Variants in SIN3A observed in about 807,000 individuals in gnomAD.
The protein encoded by SIN3A is SIN3 transcription regulator family member A, also known as paired amphipathic helix protein Sin3a.
In SIN3A, 14 loss-of-function variants were observed where a neutral mutation model predicts 146.1. The ratio of observed to expected loss-of-function variants is 0.10; its 90% CI spans 0.06 to 0.15. SIN3A has a LOEUF of 0.15. Among genes scored for constraint, SIN3A ranks in the 10% least tolerant of loss-of-function variants. The pLI, the probability that SIN3A is intolerant of heterozygous loss-of-function variation, is 1.00. For synonymous variants in SIN3A, 572 were observed against 572.0 expected, an observed-to-expected ratio of 1.00 and a Z score of 0.00; for missense variants, 1,028 against 1,576.0, an observed-to-expected ratio of 0.65 and a Z score of 5.89.
upstream of SIN3A, among the ~76,000 whole-genome samples, chr15:75,452,555 A>C (rs1567444821): frequency 6.6e-6 from 1 of 152,252 alleles, no homozygotes; most frequent in African/African-American, 2.4e-5. Context: ...CCTTTCAGCC[A>C]AGTAGAGTAC....
chr15:75,440,512 G>T (rs2074188868), intron 1 of SIN3A, among the ~76,000 whole-genome samples: 5 of 152,096 alleles, frequency 3.3e-5, no homozygotes, highest in Non-Finnish European at 7.4e-5. Flanking sequence ...GATTACAGGT[G>T]TGAGCCACCA....
intron 8 of SIN3A, among the ~76,000 whole-genome samples, chr15:75,408,335 AAAG>A (rs553236369): frequency 3.9e-4 from 60 of 152,366 alleles, no homozygotes; most frequent in African/African-American, 1.1e-3. Flanking sequence ...AAAGATTTCA[AAAG>A]AAGAAACCAT....
At chr15:75,431,506 C>T (rs924154603) in intron 1 of SIN3A, among the ~76,000 whole-genome samples, 1 of 151,938 alleles carries the variant, frequency 6.6e-6, no homozygotes, top group African/African-American at 2.4e-5. Flanking sequence ...ATGAATCAGC[C>T]ATCCAAAGAA....
intron 1 of SIN3A, 77 bp downstream of exon 1, chr15:75,451,346 C>A (rs1233876096): frequency 1.5e-5 from 2 of 131,900 alleles, no homozygotes; most frequent in African/African-American, 2.7e-5. Flanking sequence ...GCCCCCCCCC[C>A]CCAAAATACA....
intron 19 of SIN3A, among the ~76,000 whole-genome samples, chr15:75,379,281 A>C (rs1241894485): frequency 1.3e-5 from 2 of 152,218 alleles, no homozygotes; most frequent in African/African-American, 4.8e-5. Context: ...TACTAGTATA[A>C]TCCATATAAA....
chr15:75,416,551 C>G (rs1277902374), intron 3 of SIN3A, among the ~76,000 whole-genome samples: 1 of 152,196 alleles, frequency 6.6e-6, no homozygotes, highest in Non-Finnish European at 1.5e-5. Context: ...GTCTCAAACT[C>G]CTGACCACAA....
intron 1 of SIN3A, among the ~76,000 whole-genome samples, chr15:75,450,660 C>T (rs1378722312): frequency 6.6e-6 from 1 of 152,214 alleles, no homozygotes; most frequent in Non-Finnish European, 1.5e-5. Context: ...AAAGCAGCTC[C>T]GGCACAGGGC....
chr15:75,419,156 A>G (rs1309960242), intron 3 of SIN3A: 2 of 152,202 alleles, frequency 1.3e-5, no homozygotes, highest in Non-Finnish European at 2.9e-5. Flanking sequence ...TAGTTGGTCA[A>G]TACCCACTTG....
Position 75,430,346 on chromosome 15 carries a change from T to G in SIN3A, c.30A>C (p.Ser10=). MKRRLDDQE[S]PVYAAQQRRI... ...GACGCTGCTGGGCTGCATACACCGG[T>G]GACTCCTGGTCATCCAAACGCCGCT... is the stretch of plus-strand genomic sequence containing the variant. The change falls in exon 2 of 21, where the codon TCA becomes TCC. Residue 10 remains serine, a synonymous_variant. Transcript: ENST00000394947. 1 of 1,613,588 alleles carries G rather than the reference T, an allele frequency of 6.2e-7. No homozygotes were observed. Among genetic ancestry groups the G allele is most frequent in the Non-Finnish European group, 8.5e-7 (1 of 1,179,792 alleles).
chr15:75,442,270 T>C (rs1370792038), intron 1 of SIN3A, among the ~76,000 whole-genome samples: 1 of 151,358 alleles, frequency 6.6e-6, no homozygotes, highest in Admixed American at 6.6e-5. Context: ...TGTACAAATA[T>C]CTTGAAAGAT....
chr15:75,449,328 G>A (rs2074360727), intron 1 of SIN3A, among the ~76,000 whole-genome samples: 1 of 152,180 alleles, frequency 6.6e-6, no homozygotes, highest in African/African-American at 2.4e-5. Flanking sequence ...GTACCACTCA[G>A]GCCCTACTAA....
At chr15:75,403,449 T>C (rs1036364099) in intron 9 of SIN3A, among the ~76,000 whole-genome samples, 1 of 151,474 alleles carries the variant, frequency 6.6e-6, no homozygotes, top group East Asian at 1.9e-4. Context: ...AATACCATAA[T>C]AACAATTTAA....
Position 75,396,386 on chromosome 15 carries a change from G to A in SIN3A, c.1965C>T (p.Asn655=). The A allele has an allele frequency of 3.1e-6, 5 of 1,614,164 alleles. No individual in the cohort carries two copies. The highest frequency in any genetic ancestry group is 4.2e-6 in the Non-Finnish European group (5 of 1,180,016). ...AEEQAKFRLD[N]TLGGTSEVIH... is the part of the protein sequence containing the mutation. The stretch of plus-strand genomic sequence containing the variant: ...TGACTTCTGATGTGCCCCCAAGGGT[G>A]TTGTCCAAGCGAAATTTGGCTTGTT... The change falls in exon 13 of 21, where the codon AAC becomes AAT. Residue 655 remains asparagine (N), a synonymous_variant. Transcript: ENST00000394947.
chr15:75,386,840 G>A (rs1278664753), intron 16 of SIN3A, among the ~76,000 whole-genome samples: 1 of 152,084 alleles, frequency 6.6e-6, no homozygotes, highest in African/African-American at 2.4e-5. Context: ...TAAATGTAAT[G>A]GCTTCACTTG....
chr15:75,417,594 G>A (rs1168424386), intron 3 of SIN3A, among the ~76,000 whole-genome samples: 2 of 152,044 alleles, frequency 1.3e-5, no homozygotes, highest in South Asian at 4.2e-4. Context: ...GGCCAGGCTG[G>A]TCTTGAACTC....
Position 75,435,099 on chromosome 15 carries a change from T to A in SIN3A, c.-33-4691A>T, listed in dbSNP as rs187541790. The stretch of plus-strand genomic sequence containing the variant: ...TGTAGGTATTTATTAAAATTTTAAA[T>A]GTGCATACCCATCCCATGCATATTA... On this transcript the variant is annotated intron_variant, in intron 1 of 20. Transcript: ENST00000394947. Among the ~76,000 whole-genome samples, 196 of 152,186 alleles carry A rather than the reference T, an allele frequency of 1.3e-3. 1 individual carries two copies. Among genetic ancestry groups the A allele is most frequent in the Non-Finnish European group, 2.4e-3 (163 of 68,018 alleles).
intron 5 of SIN3A, 92 bp from the exon 6 acceptor site, chr15:75,411,835 A>C: frequency 2.2e-6 from 3 of 1,361,196 alleles, no homozygotes; most frequent in Non-Finnish European, 3.0e-6. Flanking sequence ...GTGTCAACGT[A>C]TATCCTTTAT....
chr15:75,448,493 C>CAAAA (rs377718727), intron 1 of SIN3A, among the ~76,000 whole-genome samples: 2 of 127,512 alleles, frequency 1.6e-5, no homozygotes. Flanking sequence ...GACTCCATCT[C>CAAAA]AAAAAAAAAA....
At chr15:75,381,727 G>T in intron 17 of SIN3A, 22 bp from the exon 18 acceptor site, 1 of 1,561,608 alleles carries the variant, frequency 6.4e-7, no homozygotes, top group Non-Finnish European at 8.8e-7. Flanking sequence ...AAACCTAAGC[G>T]TAAACAAAAG....
Sources: gnomAD v4.1 joint callset for allele counts (sites outside exome capture counted in the v4.1 genomes callset) on GRCh38, gnomAD v4.1.1 for gene constraint, MANE v1.5 for transcripts, NCBI Gene and HGNC (gene_info 2026-07-23, HGNC 2026-07-21) for gene names.